The following HECW1 variants were observed in gnomAD, a reference collection of about 807,000 sequenced individuals.
HECW1 encodes the protein HECT, C2 and WW domain containing E3 ubiquitin protein ligase 1.
Under a neutral mutation model 182.3 loss-of-function variants are expected in HECW1, and 61 were observed. That is an observed-to-expected ratio of 0.33 (90% CI 0.27 to 0.41). The LOEUF is 0.41. Ranked by LOEUF, HECW1 falls within the 10% of genes least tolerant of loss-of-function variation. The pLI, the probability that HECW1 is intolerant of heterozygous loss-of-function variation, is 1.00. For missense variants in HECW1, 1,739 were observed against 2,108.9 expected, an observed-to-expected ratio of 0.82 and a Z score of 3.44; for synonymous variants, 859 against 832.6, an observed-to-expected ratio of 1.03 and a Z score of -0.55.
intron 3 of HECW1, among the ~76,000 whole-genome samples, chr7:43,264,957 T>A (rs150762937): frequency 6.1e-4 from 93 of 152,162 alleles, no homozygotes; most frequent in African/African-American, 2.2e-3. Context: ...CTGAATTTGC[T>A]CCTCCATTTT....
chr7:43,444,087 A>G lies in HECW1; in HGVS notation c.1046-131A>G, dbSNP rs190034902. ...TCACTAGAGCTCTGGCCAGTGAGAA[A>G]CCCTCATCAACCTACATTCAATATC... is the stretch of plus-strand genomic sequence containing the variant. On this transcript the variant is annotated intron_variant, in intron 10 of 29. Coordinates refer to ENST00000395891, the MANE Select transcript of HECW1 (RefSeq NM_015052.5). This position sits in a 1 kb window ranked among gnomAD's most constrained non-coding sequence, Gnocchi z 4.3. The G allele has an allele frequency of 8.7e-6, 8 of 918,900 alleles. No homozygotes were observed. In the Admixed American group the frequency reaches 2.3e-4, roughly 27 times the overall value. 56.9% of individuals were successfully genotyped at this position (918,900 alleles called of 1,614,324 possible). A position where few individuals can be genotyped will look rare whatever the true frequency, so the allele number is the denominator to read the frequency against.
chr7:43,247,013 G>A lies in HECW1; in HGVS notation c.27+3081G>A, dbSNP rs73101126. ...TACATAGGTGGAGTGGAAGGAGTTGGTGGCTGGAAGCTGTCAGCTGACAGC... is the reference window on the plus strand; with the variant it reads ...TACATAGGTGGAGTGGAAGGAGTTGATGGCTGGAAGCTGTCAGCTGACAGC... On this transcript the variant is annotated intron_variant, in intron 3 of 29. Coordinates refer to ENST00000395891, the MANE Select transcript of HECW1 (RefSeq NM_015052.5). 7.4e-3 allele frequency among the ~76,000 whole-genome samples: 1,128 copies of A among 152,270 alleles called. 6 individuals are homozygous for A. Among genetic ancestry groups the A allele is most frequent in the Admixed American group, 0.011 (167 of 15,306 alleles).
chr7:43,437,971 G>A (rs769026307), intron 8 of HECW1, 32 bp from the exon 9 acceptor site: 29 of 1,610,876 alleles, frequency 1.8e-5, no homozygotes, highest in South Asian at 3.3e-5. Flanking sequence ...CAACCTCTCA[G>A]TTAATTGATG....
chr7:43,371,134 G>A (rs1189410364), intron 6 of HECW1, among the ~76,000 whole-genome samples: 1 of 152,050 alleles, frequency 6.6e-6, no homozygotes, highest in Non-Finnish European at 1.5e-5. Flanking sequence ...TGATCCACCC[G>A]CCTCGGCCTC....
chr7:43,343,430 C>A (rs1345729819), intron 5 of HECW1, among the ~76,000 whole-genome samples: 2 of 151,608 alleles, frequency 1.3e-5, no homozygotes, highest in Non-Finnish European at 2.9e-5. Context: ...GCCCCCCAAC[C>A]CTATGACAGA....
intron 14 of HECW1, among the ~76,000 whole-genome samples, chr7:43,464,494 C>CT (rs557725096): frequency 1.2e-3 from 172 of 145,846 alleles, no homozygotes; most frequent in Middle Eastern, 3.4e-3. Flanking sequence ...CTGGCTTCCA[C>CT]TTTTTTTTTT....
chr7:43,254,334 TAGAG>T (rs1800341978), intron 3 of HECW1, among the ~76,000 whole-genome samples: 1 of 152,166 alleles, frequency 6.6e-6, no homozygotes. Flanking sequence ...AGGTAATTGT[TAGAG>T]AGAAGAAATA....
chr7:43,190,013 GT>G (rs1338447881), intron 2 of HECW1, among the ~76,000 whole-genome samples: 1 of 152,142 alleles, frequency 6.6e-6, no homozygotes, highest in Non-Finnish European at 1.5e-5. Context: ...CTTACTGAGT[GT>G]TTTCAAGGCA....
At chr7:43,429,670 A>G (rs1003772393) in intron 8 of HECW1, among the ~76,000 whole-genome samples, 4 of 152,178 alleles carry the variant, frequency 2.6e-5, no homozygotes, top group African/African-American at 9.7e-5. Context: ...GTTCTAAGGA[A>G]AAGTAGCTAT....
chr7:43,287,353 C>T (rs1490669334), intron 3 of HECW1, among the ~76,000 whole-genome samples: 2 of 151,926 alleles, frequency 1.3e-5, no homozygotes, highest in Non-Finnish European at 2.9e-5. Flanking sequence ...GTAGGGAGTG[C>T]AGAGGCCCCG....
At chr7:43,365,314 A>C (rs1252396011) in intron 6 of HECW1, among the ~76,000 whole-genome samples, 1 of 152,242 alleles carries the variant, frequency 6.6e-6, no homozygotes, top group Non-Finnish European at 1.5e-5. Flanking sequence ...CTGGCAGTGC[A>C]GTGGGCCTCC....
intron 3 of HECW1, among the ~76,000 whole-genome samples, chr7:43,247,928 GAA>G (rs1197534698): frequency 1.9e-5 from 2 of 104,520 alleles, no homozygotes; most frequent in African/African-American, 6.1e-5. Flanking sequence ...AGGGAAAGAG[GAA>G]AAAAGAGAGA....
chr7:43,532,572 C>G lies in HECW1; in HGVS notation c.4020-8591C>G, dbSNP rs982979504. 2.6e-5 allele frequency among the ~76,000 whole-genome samples: 4 copies of G among 152,186 alleles called. No individual in the cohort carries two copies. The East Asian group carries it at 5.8e-4, about 22-fold the overall frequency. ...CCCTTCTCTCTCTGGAGTCCACCCC[C>G]ACTGGCCTCTTTGCATTGCTCAAGC... On this transcript the variant is annotated intron_variant, in intron 24 of 29. Transcript: ENST00000395891.
intron 6 of HECW1, among the ~76,000 whole-genome samples, chr7:43,375,074 T>C (rs1406871215): frequency 6.6e-6 from 1 of 152,244 alleles, no homozygotes; most frequent in East Asian, 1.9e-4. Flanking sequence ...TTGAATCATG[T>C]TAAGAACATT....
chr7:43,117,879 G>A (rs1403141115), intron 2 of HECW1: 1 of 152,506 alleles, frequency 6.6e-6, no homozygotes, highest in African/African-American at 2.4e-5. Context: ...GGTATACACT[G>A]TTTGCATTAT....
At chr7:43,515,620 C>A (rs2080109883) in intron 24 of HECW1, among the ~76,000 whole-genome samples, 1 of 152,210 alleles carries the variant, frequency 6.6e-6, no homozygotes, top group Non-Finnish European at 1.5e-5. Context: ...AAATACTTAT[C>A]AGTGCAAAGA....
chr7:43,500,165 A>T (rs937844490), intron 19 of HECW1, among the ~76,000 whole-genome samples: 1 of 150,686 alleles, frequency 6.6e-6, no homozygotes. Context: ...CAGTGGCACG[A>T]TCTCAGTTCA....
chr7:43,264,810 C>A (rs1275967084), intron 3 of HECW1, among the ~76,000 whole-genome samples: 1 of 148,008 alleles, frequency 6.8e-6, no homozygotes, highest in Non-Finnish European at 1.5e-5. Flanking sequence ...CACCACTGCA[C>A]TCCAGCCCGG....
intron 17 of HECW1, among the ~76,000 whole-genome samples, chr7:43,488,116 C>A (rs2078719805): frequency 6.6e-6 from 1 of 151,828 alleles, no homozygotes; most frequent in South Asian, 2.1e-4. Context: ...TCAAAACCAG[C>A]CTGGCCAACA....
Sources: gnomAD v4.1 joint callset for allele counts (sites outside exome capture counted in the v4.1 genomes callset) on GRCh38, gnomAD v4.1.1 for gene constraint, Gnocchi (gnomAD v3.1) non-coding constraint, MANE v1.5 for transcripts, NCBI Gene and HGNC (gene_info 2026-07-23, HGNC 2026-07-21) for gene names.